The following SLC16A7 variants were observed in gnomAD, a reference collection of about 807,000 sequenced individuals.
SLC16A7 encodes the protein monocarboxylate transporter 2.
In SLC16A7, 33 loss-of-function variants were observed where a neutral mutation model predicts 34.9. The observed-to-expected ratio is 0.94, with a 90% CI of 0.72 to 1.26. The LOEUF (loss-of-function observed/expected upper bound fraction) is 1.26, where lower values mean the gene tolerates loss of function less well. Ranked by LOEUF, SLC16A7 falls within the 50% of genes most tolerant of loss-of-function variation. The pLI, the probability that SLC16A7 is intolerant of heterozygous loss-of-function variation, is 0.00. For synonymous variants in SLC16A7, 201 were observed against 206.6 expected, an observed-to-expected ratio of 0.97 and a Z score of 0.23; for missense variants, 573 against 578.1, an observed-to-expected ratio of 0.99 and a Z score of 0.09.
intron 3 of SLC16A7, among the ~76,000 whole-genome samples, chr12:59,766,181 G>C (rs560139355): frequency 7.2e-5 from 11 of 152,250 alleles, no homozygotes; most frequent in Admixed American, 2.6e-4. Flanking sequence ...CATTGATTTT[G>C]TATCCTGAGA....
In SLC16A7 at chr12:59,677,787, G is replaced by T. The variant is rs183477235; in HGVS notation, c.-31+22537G>T. 3.8e-3 allele frequency among the ~76,000 whole-genome samples: 584 copies of T among 152,338 alleles called. 3 individuals are homozygous for T. Among genetic ancestry groups the T allele is most frequent in the African/African-American group, 0.013 (556 of 41,578 alleles). On this transcript the variant is annotated intron_variant, in intron 2 of 5. Coordinates refer to ENST00000547379, the MANE Select transcript of SLC16A7 (RefSeq NM_001270623.2). ...TTGAAAGGTTTAAGAAAAATGTGCT[G>T]TGTGCTTTTCTACCCTCATTTATGT...
intron 2 of SLC16A7, 44 bp from the exon 3 acceptor site, chr12:59,704,728 A>G (rs1454098283): frequency 1.0e-6 from 1 of 1,001,486 alleles, no homozygotes; most frequent in East Asian, 2.6e-5. Context: ...GGTAAACAAA[A>G]GGGGAAATAA....
chr12:59,762,188 C>T (rs1168654718), intron 3 of SLC16A7, among the ~76,000 whole-genome samples: 1 of 152,010 alleles, frequency 6.6e-6, no homozygotes, highest in African/African-American at 2.4e-5. Flanking sequence ...CTGTTTTTCA[C>T]CTGCTATTTG....
rs538580539 is a variant in SLC16A7 at position 59,694,820 on chromosome 12, G to A, written c.-30-9952G>A. ...GCATTGTATAAATATATCTGCATAAGTGTATATGAAATATATGATAGTTAA... is the reference window on the plus strand; with the variant it reads ...GCATTGTATAAATATATCTGCATAAATGTATATGAAATATATGATAGTTAA... On this transcript the variant is annotated intron_variant, in intron 2 of 5. Coordinates refer to ENST00000547379, the MANE Select transcript of SLC16A7 (RefSeq NM_001270623.2). Among the ~76,000 whole-genome samples, 215 of 151,986 alleles carry A rather than the reference G, an allele frequency of 1.4e-3. 1 individual carries two copies. The highest frequency in any genetic ancestry group is 6.8e-3 in the Middle Eastern group (2 of 294).
At chr12:59,670,023 T>C (rs1869544077) in intron 2 of SLC16A7, among the ~76,000 whole-genome samples, 1 of 152,198 alleles carries the variant, frequency 6.6e-6, no homozygotes, top group Non-Finnish European at 1.5e-5. Context: ...AAATTTATTC[T>C]CTCTCCTTTG....
At chr12:59,748,615 G>A (rs544107214) in intron 3 of SLC16A7, among the ~76,000 whole-genome samples, 2 of 152,192 alleles carry the variant, frequency 1.3e-5, no homozygotes, top group Non-Finnish European at 2.9e-5. Flanking sequence ...GACTGAAGTC[G>A]GCTACTGTAG....
At chr12:59,613,060 G>A (rs552680628) in intron 1 of SLC16A7, among the ~76,000 whole-genome samples, 3 of 152,234 alleles carry the variant, frequency 2.0e-5, no homozygotes, top group East Asian at 1.9e-4. Flanking sequence ...ATATGTTCTC[G>A]TGCTGCTATA....
chr12:59,648,337 T>C (rs1397097318), intron 1 of SLC16A7, among the ~76,000 whole-genome samples: 1 of 152,222 alleles, frequency 6.6e-6, no homozygotes, highest in Non-Finnish European at 1.5e-5. Flanking sequence ...TTCAGACTTC[T>C]TGTTGCAAGA....
chr12:59,759,888 C>T (rs1055412673), intron 3 of SLC16A7, among the ~76,000 whole-genome samples: 5 of 151,986 alleles, frequency 3.3e-5, no homozygotes, highest in African/African-American at 9.7e-5. Context: ...ATTAGCATGA[C>T]ATTTTAAACC....
At chr12:59,762,089 T>C (rs1027902752) in intron 3 of SLC16A7, among the ~76,000 whole-genome samples, 2 of 152,146 alleles carry the variant, frequency 1.3e-5, no homozygotes, top group African/African-American at 4.8e-5. Context: ...TTCTGTAATG[T>C]AATCTGACTC....
At chr12:59,720,188 G>A in intron 3 of SLC16A7, 2 of 663,438 alleles carry the variant, frequency 3.0e-6, no homozygotes, top group Admixed American at 2.3e-5. Context: ...TTCCAGTTTG[G>A]AATCTTCCTA....
intron 2 of SLC16A7, among the ~76,000 whole-genome samples, chr12:59,665,226 A>G (rs1869094310): frequency 6.6e-6 from 1 of 152,248 alleles, no homozygotes; most frequent in South Asian, 2.1e-4. Context: ...TGAAAGATGT[A>G]TTAATCATAA....
At chr12:59,771,135 G>A in intron 3 of SLC16A7, 84 bp from the exon 4 acceptor site, 1 of 1,354,112 alleles carries the variant, frequency 7.4e-7, no homozygotes, top group Non-Finnish European at 1.0e-6. Flanking sequence ...GTGCTTTCTT[G>A]CCTTTCCAAA....
chr12:59,607,614 A>C (rs1879005416), intron 1 of SLC16A7, among the ~76,000 whole-genome samples: 1 of 152,104 alleles, frequency 6.6e-6, no homozygotes, highest in South Asian at 2.1e-4. Flanking sequence ...GATGGCAGAG[A>C]CTGTTTTCTC....
intron 3 of SLC16A7, among the ~76,000 whole-genome samples, chr12:59,749,892 G>C (rs529021476): frequency 4.7e-4 from 71 of 152,278 alleles, no homozygotes; most frequent in African/African-American, 1.7e-3. Context: ...AAGCTGACTT[G>C]ATGGAGATGA....
rs144904649 is a variant in SLC16A7 at position 59,774,671 on chromosome 12, T to C, written c.376T>C (p.Phe126Leu). ...GTTCTTTTTAGGTTTAGGTTTAGCC[T>C]TCAACCTGCAACCCGCCTTAACCAT... Reference protein sequence around the residue: ...MGFITGLGLAFNLQPALTIIG... With the variant: ...MGFITGLGLALNLQPALTIIG... Residue 126 changes from phenylalanine (F) to leucine (L), a missense_variant, in exon 5 of 6, where the codon TTC (phenylalanine) becomes CTC (leucine). Transcript: ENST00000547379. 96 of 1,589,484 alleles carry C rather than the reference T, an allele frequency of 6.0e-5. No homozygotes were observed. The highest frequency in any genetic ancestry group is 2.4e-4 in the Admixed American group (13 of 54,868).
intron 1 of SLC16A7, among the ~76,000 whole-genome samples, chr12:59,614,269 T>A (rs150067751): frequency 1.3e-5 from 2 of 152,190 alleles, no homozygotes; most frequent in African/African-American, 4.8e-5. Context: ...ACTCCTGACC[T>A]CAGATGATCC....
chr12:59,775,006 A>C lies in SLC16A7; in HGVS notation c.711A>C (p.Leu237Phe). The change falls in exon 5 of 6, where the codon TTA becomes TTC. Residue 237 changes from leucine (L) to phenylalanine (F), a missense_variant. Physicochemically the swap from Leu to Phe is conservative, Grantham distance 22. Transcript: ENST00000547379. ...KSTWEKVNKYLDFSLFKHRGF... is the reference protein window; with the variant it reads ...KSTWEKVNKYFDFSLFKHRGF... ...CTTGGGAAAAAGTTAATAAGTATTTAGATTTCTCCCTTTTTAAGCATAGAG... is the reference window on the plus strand; with the variant it reads ...CTTGGGAAAAAGTTAATAAGTATTTCGATTTCTCCCTTTTTAAGCATAGAG... The C allele has an allele frequency of 1.9e-6, 3 of 1,613,848 alleles. No homozygotes were observed. The highest frequency in any genetic ancestry group is 2.5e-6 in the Non-Finnish European group (3 of 1,179,784).
intron 3 of SLC16A7, among the ~76,000 whole-genome samples, chr12:59,730,250 T>C (rs533734799): frequency 6.6e-6 from 1 of 151,696 alleles, no homozygotes; most frequent in Admixed American, 6.6e-5. Context: ...TTTAGGCACC[T>C]CTCCGTTAGC....
Sources: allele counts gnomAD v4.1 joint callset (sites outside exome capture counted in the v4.1 genomes callset), GRCh38; gene constraint gnomAD v4.1.1; transcripts MANE v1.5; gene names NCBI Gene and HGNC (gene_info 2026-07-23, HGNC 2026-07-21).